Variants in NKAIN2 observed in about 807,000 individuals in gnomAD.
NKAIN2 encodes sodium/potassium-transporting ATPase subunit beta-1-interacting protein 2.
A neutral mutation model predicts 32.6 loss-of-function variants in NKAIN2; 14 were observed. The ratio of observed to expected loss-of-function variants is 0.43; its 90% CI spans 0.28 to 0.67. The LOEUF is 0.67. NKAIN2 is among the 30% of genes least tolerant of loss of function. NKAIN2 has a pLI of 0.17. For synonymous variants in NKAIN2, 80 were observed against 87.2 expected, an observed-to-expected ratio of 0.92 and a Z score of 0.46; for missense variants, 198 against 258.3, an observed-to-expected ratio of 0.77 and a Z score of 1.60.
chr6:124,383,998 G>A (rs1772770330), intron 3 of NKAIN2, among the ~76,000 whole-genome samples: 2 of 152,126 alleles, frequency 1.3e-5, no homozygotes, highest in Non-Finnish European at 2.9e-5. Context: ...TGATATCAGA[G>A]GAGTACCATT....
intron 1 of NKAIN2, among the ~76,000 whole-genome samples, chr6:123,899,305 C>T (rs1774443388): frequency 6.6e-6 from 1 of 151,754 alleles, no homozygotes; most frequent in Non-Finnish European, 1.5e-5. Context: ...GATTTCCTTC[C>T]TTCCTTCCCT....
At chr6:124,423,892 G>C (rs899126941) in intron 3 of NKAIN2, among the ~76,000 whole-genome samples, 5 of 152,134 alleles carry the variant, frequency 3.3e-5, no homozygotes, top group Non-Finnish European at 4.4e-5. Flanking sequence ...TAATTTTTTT[G>C]TTCTTTATAA....
At chr6:123,945,104 G>T (rs1386495829) in intron 1 of NKAIN2, among the ~76,000 whole-genome samples, 2 of 152,016 alleles carry the variant, frequency 1.3e-5, no homozygotes, top group African/African-American at 4.8e-5. Context: ...AAGATGATAA[G>T]GCACTCACAT....
intron 1 of NKAIN2, among the ~76,000 whole-genome samples, chr6:124,172,105 C>T (rs1788923636): frequency 6.6e-6 from 1 of 152,152 alleles, no homozygotes; most frequent in Non-Finnish European, 1.5e-5. Context: ...AGCCACTGTG[C>T]CCAGCCCCCA....
chr6:124,672,128 T>G (rs946151953), intron 4 of NKAIN2, among the ~76,000 whole-genome samples: 18 of 152,174 alleles, frequency 1.2e-4, no homozygotes, highest in African/African-American at 4.1e-4. Flanking sequence ...TTACATTTCA[T>G]AGTACTTTCA....
At chr6:124,713,623 T>A (rs928273648) in intron 4 of NKAIN2, among the ~76,000 whole-genome samples, 2 of 152,154 alleles carry the variant, frequency 1.3e-5, no homozygotes, top group South Asian at 4.2e-4. Flanking sequence ...GGAGAAAGGT[T>A]TTAGAGCCAT....
At chr6:123,954,287 G>GC (rs997186580) in intron 1 of NKAIN2, among the ~76,000 whole-genome samples, 29 of 152,338 alleles carry the variant, frequency 1.9e-4, no homozygotes, top group South Asian at 4.1e-4. Flanking sequence ...CCTCTCTGGA[G>GC]CAGTGCCTTC....
intron 1 of NKAIN2, among the ~76,000 whole-genome samples, chr6:124,069,453 A>T (rs145715553): frequency 6.6e-6 from 1 of 152,120 alleles, no homozygotes; most frequent in Non-Finnish European, 1.5e-5. Flanking sequence ...TCTAATCAAG[A>T]GTACGCAAAA....
chr6:124,155,722 G>A (rs545542526), intron 1 of NKAIN2, among the ~76,000 whole-genome samples: 2 of 152,086 alleles, frequency 1.3e-5, no homozygotes, highest in African/African-American at 4.8e-5. Flanking sequence ...TTATGCTGCT[G>A]AATTCTGAAT....
At chr6:124,346,871 G>A (rs898190316) in intron 2 of NKAIN2, among the ~76,000 whole-genome samples, 16 of 151,764 alleles carry the variant, frequency 1.1e-4, no homozygotes, top group Admixed American at 3.3e-4. Context: ...ATTTGATCCT[G>A]TCATTATGAT....
chr6:123,920,907 C>T (rs776187078), intron 1 of NKAIN2, among the ~76,000 whole-genome samples: 8 of 152,130 alleles, frequency 5.3e-5, no homozygotes, highest in East Asian at 1.9e-4. Context: ...GACACATGCC[C>T]GCACACACAT....
chr6:123,890,681 A>T (rs887255709), intron 1 of NKAIN2, among the ~76,000 whole-genome samples: 2 of 152,180 alleles, frequency 1.3e-5, no homozygotes, highest in African/African-American at 4.8e-5. Context: ...CCCAGAAAGT[A>T]TCAAGTGTGG....
chr6:124,431,804 A>G (rs1268754169), intron 3 of NKAIN2, among the ~76,000 whole-genome samples: 1 of 152,202 alleles, frequency 6.6e-6, no homozygotes, highest in Non-Finnish European at 1.5e-5. Context: ...ATATCTAAAT[A>G]TCTGTACATA....
chr6:124,365,474 T>C (rs1799480774), intron 3 of NKAIN2, among the ~76,000 whole-genome samples: 1 of 151,410 alleles, frequency 6.6e-6, no homozygotes, highest in African/African-American at 2.4e-5. Flanking sequence ...AAAAGGTAAA[T>C]CCACATGAAG....
At chr6:124,438,664 G>A (rs923370995) in intron 3 of NKAIN2, among the ~76,000 whole-genome samples, 8 of 152,044 alleles carry the variant, frequency 5.3e-5, no homozygotes, top group Non-Finnish European at 8.8e-5. Flanking sequence ...CTCATGCAGC[G>A]TGCAGCCTTC....
At chr6:124,737,431 C>T (rs1777004729) in intron 4 of NKAIN2, among the ~76,000 whole-genome samples, 2 of 151,848 alleles carry the variant, frequency 1.3e-5, no homozygotes, top group African/African-American at 2.4e-5. Context: ...GCCTCCCCAG[C>T]CAGGTGGAAC....
chr6:124,258,385 A>G (rs1372618802), intron 1 of NKAIN2, among the ~76,000 whole-genome samples: 1 of 152,202 alleles, frequency 6.6e-6, no homozygotes, highest in African/African-American at 2.4e-5. Context: ...CTGTTCCTTC[A>G]TTCATTTTTT....
chr6:124,021,702 A>G (rs1287773498), intron 1 of NKAIN2, among the ~76,000 whole-genome samples: 2 of 151,988 alleles, frequency 1.3e-5, no homozygotes, highest in Non-Finnish European at 2.9e-5. Context: ...TCCCATCTAT[A>G]TATATCTATA....
At chr6:124,614,517 AG>A (rs1782810085) in intron 3 of NKAIN2, among the ~76,000 whole-genome samples, 1 of 152,152 alleles carries the variant, frequency 6.6e-6, no homozygotes, top group South Asian at 2.1e-4. Flanking sequence ...TACATGCTCA[AG>A]TATCTTGTAA....
Sources: gnomAD v4.1 joint callset for allele counts (sites outside exome capture counted in the v4.1 genomes callset) on GRCh38, gnomAD v4.1.1 for gene constraint, MANE v1.5 for transcripts, NCBI Gene and HGNC (gene_info 2026-07-23, HGNC 2026-07-21) for gene names.